The following FECH variants were observed in gnomAD, a reference collection of about 807,000 sequenced individuals.
The protein encoded by FECH is ferrochelatase, also known as ferrochelatase, mitochondrial.
Under a neutral mutation model 56.9 loss-of-function variants are expected in FECH, and 40 were observed. The observed-to-expected ratio is 0.70, with a 90% confidence interval of 0.55 to 0.92. The LOEUF is 0.92. FECH is among the 40% of genes least tolerant of loss of function. The pLI is 0.00. For missense variants in FECH, 431 were observed against 529.1 expected (o/e 0.81, Z 1.82); for synonymous variants, 175 against 198.6 (o/e 0.88, Z 1.00).
At chr18:57,552,151 T>A (rs1254515226) in intron 9 of FECH, among the ~76,000 whole-genome samples, 1 of 152,042 alleles carries the variant, frequency 6.6e-6, no homozygotes, top group Non-Finnish European at 1.5e-5. Flanking sequence ...CCCGAAGTGC[T>A]GGGATTACAG....
rs543720541 is a variant in FECH at position 57,581,745 on chromosome 18, T to C, written c.68-1546A>G. Among the ~76,000 whole-genome samples, 14 of 152,342 alleles carry C rather than the reference T, an allele frequency of 9.2e-5. No homozygotes were observed. In the South Asian group the frequency reaches 2.7e-3, roughly 29 times the overall value. On this transcript the variant is annotated intron_variant, in intron 1 of 10. Coordinates refer to ENST00000262093, the MANE Select transcript of FECH (RefSeq NM_000140.5). ...GTGAAGCGTTCTGCAGTGTCCACCA[T>C]GTGATTAGTACTGGTGTTAGTTTCA...
intron 4 of FECH, among the ~76,000 whole-genome samples, chr18:57,568,584 G>GATGTTAACCAGTGCCAC (rs2051049559): frequency 6.6e-6 from 1 of 152,118 alleles, no homozygotes; most frequent in Non-Finnish European, 1.5e-5. Flanking sequence ...GAGCCTCTCC[G>GATGTTAACCAGTGCCAC]ATGTTAACCA....
At chr18:57,573,470 A>G in intron 2 of FECH, 105 bp from the exon 3 acceptor site, 3 of 1,346,510 alleles carry the variant, frequency 2.2e-6, no homozygotes, top group Non-Finnish European at 1.1e-6. Flanking sequence ...ATACAAAGGT[A>G]AATACTATGG....
intron 7 of FECH, among the ~76,000 whole-genome samples, chr18:57,555,694 T>A (rs755202430): frequency 6.6e-6 from 1 of 152,258 alleles, no homozygotes; most frequent in Non-Finnish European, 1.5e-5. Context: ...ACCATTTTCA[T>A]ATGTATTATG....
intron 2 of FECH, among the ~76,000 whole-genome samples, chr18:57,575,842 T>C (rs1379390438): frequency 6.6e-6 from 1 of 152,216 alleles, no homozygotes; most frequent in Non-Finnish European, 1.5e-5. Flanking sequence ...ATCAAACCTG[T>C]TGTATAAGTG....
At chr18:57,564,113 G>C (rs1598993384) in intron 5 of FECH, among the ~76,000 whole-genome samples, 1 of 152,222 alleles carries the variant, frequency 6.6e-6, no homozygotes, top group East Asian at 1.9e-4. Context: ...CCCAACCTCA[G>C]GTGATCTGCC....
At chr18:57,578,030 T>A (rs1227879804) in intron 2 of FECH, among the ~76,000 whole-genome samples, 1 of 152,204 alleles carries the variant, frequency 6.6e-6, no homozygotes, top group Non-Finnish European at 1.5e-5. Flanking sequence ...TAAAGTTACT[T>A]AGTAGAATTT....
In FECH at chr18:57,575,743, G is replaced by C. The variant is rs1186057371; in HGVS notation, c.195-2378C>G. Among the ~76,000 whole-genome samples the C allele has an allele frequency of 2.9e-4, 44 of 152,164 alleles. 2 individuals carry two copies. Among genetic ancestry groups the C allele is most frequent in the Admixed American group, 2.9e-3 (44 of 15,282 alleles). ...CAGGCTTATGGTGACATCTTAATGG[G>C]CAATTTTTAAACAATTATTAACAAC... On this transcript the variant is annotated intron_variant, in intron 2 of 10. Coordinates refer to ENST00000262093, the MANE Select transcript of FECH (RefSeq NM_000140.5).
intron 7 of FECH, among the ~76,000 whole-genome samples, chr18:57,555,779 T>C (rs1289726245): frequency 6.6e-6 from 1 of 152,360 alleles, no homozygotes; most frequent in South Asian, 2.1e-4. Context: ...TCCTATGATA[T>C]GGCTGGAAAC....
chr18:57,554,686 T>G (rs76566451), intron 8 of FECH, among the ~76,000 whole-genome samples, 159 bp downstream of exon 8: 1 of 152,214 alleles, frequency 6.6e-6, no homozygotes, highest in Non-Finnish European at 1.5e-5. Flanking sequence ...GATTTCCCCT[T>G]CTATCTTACT....
chr18:57,572,176 C>A (rs1213176243), intron 3 of FECH, among the ~76,000 whole-genome samples: 1 of 152,090 alleles, frequency 6.6e-6, no homozygotes, highest in Admixed American at 6.5e-5. Flanking sequence ...TGGAACCAAC[C>A]CAAATGTCCA....
chr18:57,564,947 A>C (rs1366770719), intron 5 of FECH, among the ~76,000 whole-genome samples: 3 of 152,378 alleles, frequency 2.0e-5, no homozygotes, highest in African/African-American at 7.2e-5. Context: ...AAGATACAAC[A>C]GATAAACAGC....
chr18:57,577,628 C>T (rs1351885225), intron 2 of FECH, among the ~76,000 whole-genome samples: 2 of 151,888 alleles, frequency 1.3e-5, no homozygotes, highest in African/African-American at 2.4e-5. Context: ...TAATAAAATA[C>T]TCTTCAGTTA....
At chr18:57,582,313 T>C (rs927065167) in intron 1 of FECH, among the ~76,000 whole-genome samples, 4 of 152,134 alleles carry the variant, frequency 2.6e-5, no homozygotes, top group African/African-American at 4.8e-5. Flanking sequence ...TTGGAGCATT[T>C]TGAATTTTAG....
chr18:57,584,153 C>T (rs1020309788), intron 1 of FECH, among the ~76,000 whole-genome samples: 7 of 148,648 alleles, frequency 4.7e-5, no homozygotes, highest in Non-Finnish European at 8.9e-5. Flanking sequence ...GCACTCCAGC[C>T]TGTCGACAGA....
In FECH at chr18:57,545,683, A is replaced by T. The variant is rs2050712105; in HGVS notation, c.*5029T>A. Among the ~76,000 whole-genome samples, 1 of 151,578 alleles carries T rather than the reference A, an allele frequency of 6.6e-6. No homozygotes were observed. On this transcript the variant is annotated 3_prime_UTR_variant, in exon 11 of 11. Coordinates refer to ENST00000262093, the MANE Select transcript of FECH (RefSeq NM_000140.5). ...TTCTCTGAAGCACCTGCAGGTACCC[A>T]CCACTTGGCTGAGTGCTATATAGCT...
intron 9 of FECH, among the ~76,000 whole-genome samples, chr18:57,552,507 T>C (rs1014429470): frequency 2.0e-5 from 3 of 151,928 alleles, no homozygotes; most frequent in African/African-American, 7.3e-5. Flanking sequence ...TTCAAGTGAT[T>C]TTCCTGCCTC....
At position 57,554,403 on chromosome 18, in the gene FECH, C is replaced by A. The variant is rs748848648; in HGVS notation, c.934G>T (p.Gly312Cys). ...TTGATAGATTCGTCTGTTTGAGGAC[C>A]CAACCAGGGCATTGGACCAACCTAT... Reference protein sequence around the residue: ...QSKVGPMPWLGPQTDESIKGL... With the variant: ...QSKVGPMPWLCPQTDESIKGL... Residue 312 changes from glycine (G) to cysteine (C), a missense_variant, in exon 9 of 11, where the codon GGT becomes TGT. Transcript: ENST00000262093. 2.5e-6 allele frequency: 4 copies of A among 1,614,186 alleles called. No homozygotes were observed. The highest frequency in any genetic ancestry group is 3.4e-6 in the Non-Finnish European group (4 of 1,180,018).
intron 7 of FECH, among the ~76,000 whole-genome samples, chr18:57,557,668 G>A (rs1598985388): frequency 6.6e-6 from 1 of 152,150 alleles, no homozygotes; most frequent in Admixed American, 6.5e-5. Context: ...GTGGTTGCGT[G>A]TGCCTGTGGT....
Sources: gnomAD v4.1 joint callset for allele counts (sites outside exome capture counted in the v4.1 genomes callset) on GRCh38, gnomAD v4.1.1 for gene constraint, MANE v1.5 for transcripts, NCBI Gene and HGNC (gene_info 2026-07-23, HGNC 2026-07-21) for gene names.